CFAP44: variants seen among roughly 807,000 people sequenced by gnomAD.
CFAP44 encodes the protein cilia and flagella associated protein 44, also known as cilia- and flagella-associated protein 44.
A neutral mutation model predicts 216.2 loss-of-function variants in CFAP44; 134 were observed. The observed-to-expected ratio is 0.62, with a 90% CI of 0.54 to 0.72. CFAP44 has a LOEUF of 0.72. Among genes scored for constraint, CFAP44 ranks in the 30% least tolerant of loss-of-function variants. CFAP44 has a pLI of 0.00. For synonymous variants in CFAP44, 700 were observed against 727.6 expected (o/e 0.96, Z 0.61); for missense variants, 2,035 against 2,182.1 (o/e 0.93, Z 1.34).
intron 28 of CFAP44, among the ~76,000 whole-genome samples, chr3:113,323,772 A>G (rs1950165445): frequency 6.6e-6 from 1 of 152,168 alleles, no homozygotes; most frequent in South Asian, 2.1e-4. Flanking sequence ...GGCTGGGTGC[A>G]GTGGCTCACG....
Position 113,401,589 on chromosome 3 carries a change from C to T in CFAP44, c.1321G>A (p.Ala441Thr), listed in dbSNP as rs1370016344. ...MNETGNNFWL[A>T]QDANGAIWKL... ...GAGACAAGAATGCAACACACCTGAG[C>T]CAACCAAAAGTTATTTCCAGTTTCA... The change falls in exon 10 of 35, where the codon GCT (alanine) becomes ACT (threonine). Residue 441 changes from alanine to threonine, a missense_variant. Ala to Thr is a moderately conservative substitution (Grantham distance 58). Around this residue, in one of 3 missense-constraint regions of CFAP44, gnomAD observed 1,883 missense variants for 2,023.7 expected, o/e 0.93. Transcript: ENST00000393845. The T allele has an allele frequency of 1.9e-6, 3 of 1,612,974 alleles. No individual in the cohort carries two copies. The highest frequency in any genetic ancestry group is 2.5e-6 in the Non-Finnish European group (3 of 1,179,570).
Position 113,380,977 on chromosome 3 carries a change from A to T in CFAP44, c.1974T>A (p.Asp658Glu), listed in dbSNP as rs1238374470. 1 of 1,602,656 alleles carries T rather than the reference A, an allele frequency of 6.2e-7. No individual in the cohort carries two copies. The highest frequency in any genetic ancestry group is 1.1e-5 in the South Asian group (1 of 88,652). Residue 658 changes from aspartate (D) to glutamate (E), a missense_variant, in exon 16 of 35, where the codon GAT (aspartate) becomes GAA (glutamate). By Grantham distance (45) the Asp-to-Glu change is conservative. Coordinates refer to ENST00000393845, the MANE Select transcript of CFAP44 (RefSeq NM_001164496.2). Reference protein sequence around the residue: ...PLPTIKQEEDDHDVVSYEIKD... With the variant: ...PLPTIKQEEDEHDVVSYEIKD... ...TGATTTCATAGGAGACTACATCATGATCATCCTCTTCTTGCTTTATGGTTG... is the reference window on the plus strand; with the variant it reads ...TGATTTCATAGGAGACTACATCATGTTCATCCTCTTCTTGCTTTATGGTTG...
At chr3:113,384,057 CT>C (rs199814107) in intron 15 of CFAP44, among the ~76,000 whole-genome samples, 4,213 of 144,190 alleles carry the variant, frequency 0.029, 56 homozygotes, top group East Asian at 0.055. Context: ...AAATAGTTGA[CT>C]TTTTTTTTTT....
intron 28 of CFAP44, among the ~76,000 whole-genome samples, chr3:113,318,406 A>T (rs1950109029): frequency 6.6e-6 from 1 of 152,176 alleles, no homozygotes; most frequent in Admixed American, 6.5e-5. Context: ...AAATGAACCA[A>T]ATCTCTGAAA....
intron 25 of CFAP44, among the ~76,000 whole-genome samples, chr3:113,331,372 T>G (rs761800527): frequency 6.6e-6 from 1 of 152,092 alleles, no homozygotes; most frequent in African/African-American, 2.4e-5. Context: ...TGAGAGCACA[T>G]GCAACCCTAC....
chr3:113,306,400 C>T, intron 29 of CFAP44, 69 bp from the exon 30 acceptor site: 1 of 1,501,034 alleles, frequency 6.7e-7, no homozygotes, highest in Non-Finnish European at 8.8e-7. Flanking sequence ...AAATTGTGAA[C>T]TTTGGAGATT....
upstream of CFAP44, chr3:113,441,497 G>A (rs913251643): frequency 4.1e-6 from 4 of 985,312 alleles, no homozygotes; most frequent in South Asian, 4.7e-5. Context: ...AGCGTCTGCC[G>A]GAGGCCTCCG....
chr3:113,308,283 G>A lies in CFAP44; in HGVS notation c.4517-15C>T, dbSNP rs1471604251. On this transcript the variant is annotated splice_polypyrimidine_tract_variant and intron_variant, in intron 28 of 34. Transcript: ENST00000393845. Reference sequence around the variant, plus strand: ...CTCATCTTCATCTATGGAAAGAGGAGGGCATTGTTAACAAAGAAGCTTCTA... The same window carrying A: ...CTCATCTTCATCTATGGAAAGAGGAAGGCATTGTTAACAAAGAAGCTTCTA... The A allele has an allele frequency of 1.3e-6, 2 of 1,503,612 alleles. No homozygotes were observed. Among genetic ancestry groups the A allele is most frequent in the South Asian group, 1.3e-5 (1 of 78,398 alleles). 93.1% of individuals were successfully genotyped at this position (1,503,612 alleles called of 1,614,324 possible). A position where few individuals can be genotyped will look rare whatever the true frequency, so the allele number is the denominator to read the frequency against.
intron 27 of CFAP44, among the ~76,000 whole-genome samples, chr3:113,327,074 A>G (rs1006913359): frequency 2.6e-5 from 4 of 152,152 alleles, no homozygotes; most frequent in African/African-American, 9.6e-5. Flanking sequence ...TTTAGCATAT[A>G]CTATCTGTTT....
At chr3:113,362,146 A>T (rs1166382595) in intron 21 of CFAP44, among the ~76,000 whole-genome samples, 7 of 151,964 alleles carry the variant, frequency 4.6e-5, no homozygotes, top group Non-Finnish European at 1.5e-5. Flanking sequence ...AGAACATATC[A>T]ATATGGAGAA....
At chr3:113,331,108 C>G (rs1950237871) in intron 25 of CFAP44, among the ~76,000 whole-genome samples, 1 of 152,180 alleles carries the variant, frequency 6.6e-6, no homozygotes, top group Non-Finnish European at 1.5e-5. Context: ...TAGGCCCAAA[C>G]TACAGGTTAG....
At chr3:113,296,285 C>T (rs1350349208) in intron 33 of CFAP44, among the ~76,000 whole-genome samples, 2 of 152,128 alleles carry the variant, frequency 1.3e-5, no homozygotes, top group South Asian at 2.1e-4. Context: ...TATACATACA[C>T]ACATACACAG....
At chr3:113,410,318 G>C (rs909079644) in intron 6 of CFAP44, among the ~76,000 whole-genome samples, 3 of 151,974 alleles carry the variant, frequency 2.0e-5, no homozygotes, top group African/African-American at 7.3e-5. Context: ...CCCACGACAG[G>C]CCCCGGTGTG....
intron 22 of CFAP44, among the ~76,000 whole-genome samples, chr3:113,351,465 T>G (rs1950444185): frequency 6.6e-6 from 1 of 152,144 alleles, no homozygotes; most frequent in African/African-American, 2.4e-5. Flanking sequence ...TCTCAAAGGA[T>G]TTCTCAGTTT....
intron 7 of CFAP44, among the ~76,000 whole-genome samples, 160 bp downstream of exon 7, chr3:113,408,946 A>G: frequency 6.8e-6 from 1 of 147,282 alleles, no homozygotes; most frequent in Admixed American, 7.1e-5. Context: ...GAAAAGGTGC[A>G]TTACTAGTTA....
At chr3:113,354,032 C>T (rs1394266242) in intron 22 of CFAP44, among the ~76,000 whole-genome samples, 1 of 151,722 alleles carries the variant, frequency 6.6e-6, no homozygotes, top group South Asian at 2.1e-4. Flanking sequence ...AAAAATTAGC[C>T]CTAGACTAAA....
intron 22 of CFAP44, among the ~76,000 whole-genome samples, chr3:113,355,928 G>C (rs1205245197): frequency 6.6e-6 from 1 of 151,564 alleles, no homozygotes; most frequent in Non-Finnish European, 1.5e-5. Context: ...AACATGCACA[G>C]AAATGATGCA....
intron 23 of CFAP44, among the ~76,000 whole-genome samples, 198 bp downstream of exon 23, chr3:113,344,318 T>C (rs1461286016): frequency 6.6e-6 from 1 of 151,906 alleles, no homozygotes; most frequent in Non-Finnish European, 1.5e-5. Context: ...CTTGGGAAAA[T>C]GTGGCCTCTC....
At chr3:113,426,898 C>T (rs1576607302) in intron 3 of CFAP44, 2 of 330,920 alleles carry the variant, frequency 6.0e-6, no homozygotes, top group Non-Finnish European at 1.1e-5. Context: ...CTCCCAATTA[C>T]TTCCAAAGGA....
Sources: gnomAD v4.1 joint callset for allele counts (sites outside exome capture counted in the v4.1 genomes callset) on GRCh38, gnomAD v4.1.1 for gene constraint, gnomAD v4.1.1 regional missense constraint, MANE v1.5 for transcripts, NCBI Gene and HGNC (gene_info 2026-07-23, HGNC 2026-07-21) for gene names.